Variants in PIK3R6 observed in about 807,000 individuals in gnomAD.
The protein encoded by PIK3R6 is phosphoinositide 3-kinase regulatory subunit 6.
PIK3R6 carries 91 observed loss-of-function variants against 84.9 expected under a neutral mutation model. The observed-to-expected ratio is 1.07, with a 90% CI of 0.90 to 1.28. The LOEUF is 1.28. PIK3R6 is among the 50% of genes most tolerant of loss of function. The pLI, the probability that PIK3R6 is intolerant of heterozygous loss-of-function variation, is 0.00. For synonymous variants in PIK3R6, 416 were observed against 411.4 expected (o/e 1.01, Z -0.13); for missense variants, 996 against 985.1 (o/e 1.01, Z -0.15).
At position 8,862,235 on chromosome 17, in the gene PIK3R6, G is replaced by C. The variant is rs2089302364; in HGVS notation, c.-92+5294C>G. On this transcript the variant is annotated intron_variant, in intron 1 of 19. Coordinates refer to ENST00000619866, the MANE Select transcript of PIK3R6 (RefSeq NM_001010855.4). The surrounding 1 kb of genome is among the most constrained non-coding windows in gnomAD (Gnocchi z 4.3). Reference sequence around the variant, plus strand: ...TAAAATATAAGCTCCCCATGGGAAGGGGCTCCATTTTGCTCACTGTTGAGT... The same window carrying C: ...TAAAATATAAGCTCCCCATGGGAAGCGGCTCCATTTTGCTCACTGTTGAGT... 6.6e-6 allele frequency among the ~76,000 whole-genome samples: 1 copy of C among 152,116 alleles called. No individual in the cohort carries two copies. The highest frequency in any genetic ancestry group is 1.5e-5 in the Non-Finnish European group (1 of 68,034).
chr17:8,835,442 A>C lies in PIK3R6; in HGVS notation c.476T>G (p.Val159Gly). Reference protein sequence around the residue: ...YPYQERVFLFVDPELVSASVC... With the variant: ...YPYQERVFLFGDPELVSASVC... Reference sequence around the variant, plus strand: ...AGACGCAGACACCAGCTCAGGATCCACGAAGAGGAACACTCTGAGGGCAGA... The same window carrying C: ...AGACGCAGACACCAGCTCAGGATCCCCGAAGAGGAACACTCTGAGGGCAGA... Residue 159 changes from valine to glycine, a missense_variant, in exon 8 of 20, where the codon GTG (valine) becomes GGG (glycine). By Grantham distance (109) the Val-to-Gly change is moderately radical (BLOSUM62 -3). Coordinates refer to ENST00000619866, the MANE Select transcript of PIK3R6 (RefSeq NM_001010855.4). The C allele has an allele frequency of 1.3e-6, 2 of 1,567,904 alleles. No homozygotes were observed. The highest frequency in any genetic ancestry group is 1.1e-5 in the South Asian group (1 of 87,478).
Position 8,849,854 on chromosome 17 carries a change from C to G in PIK3R6, c.-60G>C. 2 of 1,594,748 alleles carry G rather than the reference C, an allele frequency of 1.3e-6. No individual in the cohort carries two copies. Among genetic ancestry groups the G allele is most frequent in the Admixed American group, 1.8e-5 (1 of 56,770 alleles). On this transcript the variant is annotated 5_prime_UTR_variant, in exon 2 of 20. Transcript: ENST00000619866. ...TTGTCTCGGGCAGCAGAATAGAGAA[C>G]AAGGTGGTTGCTTTTCTGCACAGAG...
intron 18 of PIK3R6, among the ~76,000 whole-genome samples, chr17:8,818,541 G>C (rs112911705): frequency 0.037 from 5,584 of 152,138 alleles, 365 homozygotes; most frequent in African/African-American, 0.12. Context: ...CCCAGCTACT[G>C]GAGAGGCTGA....
At position 8,828,140 on chromosome 17, in the gene PIK3R6, A is replaced by T; in HGVS notation, c.1364T>A (p.Leu455His). 3 of 1,613,962 alleles carry T rather than the reference A, an allele frequency of 1.9e-6. No homozygotes were observed. Among genetic ancestry groups the T allele is most frequent in the Non-Finnish European group, 2.5e-6 (3 of 1,179,872 alleles). ...FCLTPRLSLQ[L>H]YYIPVLAPEK... Reference sequence around the variant, plus strand: ...AGGCGCCAGCACGGGGATGTAGTAGAGCTGCAGGCTGAGTCTGGGAGTGAG... The same window carrying T: ...AGGCGCCAGCACGGGGATGTAGTAGTGCTGCAGGCTGAGTCTGGGAGTGAG... The change falls in exon 12 of 20, where the codon CTC becomes CAC. Residue 455 changes from leucine (L) to histidine (H), a missense_variant. Coordinates refer to ENST00000619866, the MANE Select transcript of PIK3R6 (RefSeq NM_001010855.4).
At position 8,842,820 on chromosome 17, in the gene PIK3R6, A is replaced by G. The variant is rs950398295; in HGVS notation, c.14-3123T>C. ...CTCCTTTTTGGTCCTCCTGCTTTAT[A>G]TTCTATTTAATCTATATCTGAATTG... On this transcript the variant is annotated intron_variant, in intron 2 of 19. Transcript: ENST00000619866. The surrounding 1 kb of genome is among the most constrained non-coding windows in gnomAD (Gnocchi z 4.5). Among the ~76,000 whole-genome samples the G allele has an allele frequency of 6.6e-6, 1 of 152,208 alleles. No homozygotes were observed. Among genetic ancestry groups the G allele is most frequent in the African/African-American group, 2.4e-5 (1 of 41,458 alleles).
intron 1 of PIK3R6, among the ~76,000 whole-genome samples, chr17:8,856,181 C>T (rs971362483): frequency 6.6e-6 from 1 of 152,162 alleles, no homozygotes; most frequent in African/African-American, 2.4e-5. Context: ...CTTTTTTAGT[C>T]AAACTTTTAA....
chr17:8,807,604 G>T (rs2087241900), intron 18 of PIK3R6, among the ~76,000 whole-genome samples: 1 of 152,098 alleles, frequency 6.6e-6, no homozygotes, highest in Non-Finnish European at 1.5e-5. Flanking sequence ...AAGAAGGTGG[G>T]CAGGTGGAAG....
rs534294599 is a variant in PIK3R6 at position 8,837,890 on chromosome 17, C to T, written c.190-19G>A. On this transcript the variant is annotated intron_variant, in intron 4 of 19. Transcript: ENST00000619866. ...TTTCCGCCTGGAAAACAGGAGATCA[C>T]GTGACAGGTATTGGGCTGGGGGAAT... 8 of 1,608,678 alleles carry T rather than the reference C, an allele frequency of 5.0e-6. No individual in the cohort carries two copies. The highest frequency in any genetic ancestry group is 1.7e-4 in the Middle Eastern group (1 of 6,056).
intron 1 of PIK3R6, among the ~76,000 whole-genome samples, chr17:8,855,697 A>G (rs2089120180): frequency 6.6e-6 from 1 of 152,230 alleles, no homozygotes; most frequent in South Asian, 2.1e-4. Context: ...GCACCCATCA[A>G]CCCGTCAGGA....
At chr17:8,843,744 G>A (rs754955049) in intron 2 of PIK3R6, among the ~76,000 whole-genome samples, 4 of 152,086 alleles carry the variant, frequency 2.6e-5, no homozygotes, top group African/African-American at 7.2e-5. Flanking sequence ...TGCTGACACC[G>A]AACCTGGATT....
Position 8,828,165 on chromosome 17 carries a change from G to A in PIK3R6, c.1339C>T (p.Leu447Phe). ...AGCTGCAGGCTGAGTCTGGGAGTGA[G>A]GCAGAACTTCTGGGTCTCCCGTTTC... ...LRKRETQKFC[L>F]TPRLSLQLYY... is the part of the protein sequence containing the mutation. Residue 447 changes from leucine to phenylalanine, a missense_variant, in exon 12 of 20, where the codon CTC (leucine) becomes TTC (phenylalanine). Coordinates refer to ENST00000619866, the MANE Select transcript of PIK3R6 (RefSeq NM_001010855.4). The A allele has an allele frequency of 3.1e-6, 5 of 1,613,988 alleles. No individual in the cohort carries two copies. The highest frequency in any genetic ancestry group is 3.4e-6 in the Non-Finnish European group (4 of 1,179,860).
intron 18 of PIK3R6, among the ~76,000 whole-genome samples, chr17:8,808,676 C>A (rs747841567): frequency 7.2e-5 from 11 of 152,098 alleles, no homozygotes; most frequent in Non-Finnish European, 1.2e-4. Flanking sequence ...AATGTCAGGG[C>A]AGAAGACACA....
At chr17:8,834,106 G>A (rs868531265) in intron 8 of PIK3R6, among the ~76,000 whole-genome samples, 16 of 144,162 alleles carry the variant, frequency 1.1e-4, no homozygotes, top group Middle Eastern at 7.3e-3. Flanking sequence ...GCAGTGAGCC[G>A]AGATCACGCC....
rs915359401 is a variant in PIK3R6 at position 8,839,748 on chromosome 17, C to T, written c.14-51G>A. On this transcript the variant is annotated intron_variant, in intron 2 of 19. Transcript: ENST00000619866. This position sits in a 1 kb window ranked among gnomAD's most constrained non-coding sequence, Gnocchi z 4.2. The stretch of plus-strand genomic sequence containing the variant: ...AACTCAGTCCACTGAACCTCACCCT[C>T]GTCCCACCTCCATTCCTTCCGAGAG... 1.7e-5 allele frequency: 24 copies of T among 1,412,818 alleles called. No individual in the cohort carries two copies. Among genetic ancestry groups the T allele is most frequent in the East Asian group, 5.2e-5 (2 of 38,704 alleles). The allele number at this position is 1,412,818 out of a possible 1,614,324, so 87.5% of individuals were successfully genotyped here.
At chr17:8,851,488 C>G (rs1244094946) in intron 1 of PIK3R6, among the ~76,000 whole-genome samples, 1 of 152,138 alleles carries the variant, frequency 6.6e-6, no homozygotes, top group African/African-American at 2.4e-5. Context: ...CAGAGTGAGA[C>G]TCCGTCCCAA....
chr17:8,817,846 TGAGAA>T (rs1484019128), intron 18 of PIK3R6, among the ~76,000 whole-genome samples: 3 of 151,486 alleles, frequency 2.0e-5, no homozygotes, highest in Non-Finnish European at 4.4e-5. Context: ...GAGCTTGACT[TGAGAA>T]GGGAAGGAAA....
In PIK3R6 at chr17:8,803,566, A is replaced by G; in HGVS notation, c.2109-137T>C. 1 of 872,038 alleles carries G rather than the reference A, an allele frequency of 1.1e-6. No individual in the cohort carries two copies. The highest frequency in any genetic ancestry group is 1.7e-6 in the Non-Finnish European group (1 of 592,548). The allele number at this position is 872,038 out of a possible 1,614,324, so 54.0% of individuals were successfully genotyped here. On this transcript the variant is annotated intron_variant, in intron 19 of 19. Transcript: ENST00000619866. This position sits in a 1 kb window ranked among gnomAD's most constrained non-coding sequence, Gnocchi z 5.0. ...TAGAGGAGGCGGCTACACAGAAGAAAGAGGAAGAGTCAGGACAAGAAAGAA... is the reference window on the plus strand; with the variant it reads ...TAGAGGAGGCGGCTACACAGAAGAAGGAGGAAGAGTCAGGACAAGAAAGAA...
intron 9 of PIK3R6, 124 bp downstream of exon 9, chr17:8,832,765 T>C (rs1451272711): frequency 7.0e-7 from 1 of 1,438,594 alleles, no homozygotes; most frequent in East Asian, 2.3e-5. Flanking sequence ...GTCCCCAGGC[T>C]CCTGGGAGTC....
At chr17:8,845,915 C>A (rs2088805303) in intron 2 of PIK3R6, among the ~76,000 whole-genome samples, 1 of 152,148 alleles carries the variant, frequency 6.6e-6, no homozygotes, top group South Asian at 2.1e-4. Context: ...CCAGCCTGGG[C>A]AACAGAGCGA....
Sources: gnomAD v4.1 joint callset for allele counts (sites outside exome capture counted in the v4.1 genomes callset) on GRCh38, gnomAD v4.1.1 for gene constraint, Gnocchi (gnomAD v3.1) non-coding constraint, MANE v1.5 for transcripts, NCBI Gene and HGNC (gene_info 2026-07-23, HGNC 2026-07-21) for gene names.